Variants in DKC1 observed in about 807,000 individuals in gnomAD.
DKC1 encodes H/ACA ribonucleoprotein complex subunit DKC1.
A neutral mutation model predicts 46.7 loss-of-function variants in DKC1; 4 were observed. That is an observed-to-expected ratio of 0.09 (90% CI 0.04 to 0.20). The LOEUF (loss-of-function observed/expected upper bound fraction) is 0.20. Ranked by LOEUF, DKC1 falls within the 10% of genes least tolerant of loss-of-function variation. The probability of loss-of-function intolerance (pLI) is 1.00; values close to 1 mark genes in which losing one functional copy is unlikely to be tolerated. For missense variants in DKC1, 171 were observed against 404.2 expected, an observed-to-expected ratio of 0.42 and a Z score of 4.95; for synonymous variants, 141 against 142.4, an observed-to-expected ratio of 0.99 and a Z score of 0.07.
intron 3 of DKC1, 78 bp from the exon 4 acceptor site, chrX:154,765,829 C>T (rs1449513813): frequency 3.8e-6 from 3 of 782,803 alleles, no homozygotes; most frequent in East Asian, 6.3e-5. Context: ...GTTTGTGGGC[C>T]ACATAGTGGT....
chrX:154,775,834 G>C (rs1351974036), intron 13 of DKC1, among the ~76,000 whole-genome samples: 1 of 112,065 alleles, frequency 8.9e-6, no homozygotes, highest in Non-Finnish European at 1.9e-5. Context: ...TCCTGCACAG[G>C]CTGTGTGGGA....
intron 3 of DKC1, 24 bp from the exon 4 acceptor site, chrX:154,765,883 T>G (rs782655180): frequency 1.8e-6 from 2 of 1,130,842 alleles, no homozygotes. Flanking sequence ...GTATTTTGTT[T>G]TGTGTTGTGT....
At chrX:154,776,100 T>C in intron 13 of DKC1, 87 bp from the exon 14 acceptor site, 17 of 1,116,287 alleles carry the variant, frequency 1.5e-5, no homozygotes, top group Non-Finnish European at 2.1e-5. Context: ...GGATCTTTCT[T>C]GGTGCCTTGC....
rs782779174 is a variant in DKC1 at position 154,762,939 on chromosome X, G to A, written c.-27G>A. 8.5e-7 allele frequency: 1 copy of A among 1,178,505 alleles called. No individual in the cohort carries two copies. Among genetic ancestry groups the A allele is most frequent in the South Asian group, 1.9e-5 (1 of 53,423 alleles). On this transcript the variant is annotated 5_prime_UTR_variant, in exon 1 of 15. Coordinates refer to ENST00000369550, the MANE Select transcript of DKC1 (RefSeq NM_001363.5). ...CGGTCGTTCCCTCGGCTGTGGACCG[G>A]GCGGCACGCACGCGGTGCAGGGTAA...
intron 5 of DKC1, 21 bp downstream of exon 5, chrX:154,766,421 A>G: frequency 8.5e-7 from 1 of 1,180,335 alleles, no homozygotes; most frequent in Non-Finnish European, 1.2e-6. Context: ...GAGGGAGGGA[A>G]GGACTGGCTA....
At chrX:154,773,462 C>T (rs3926731) in intron 11 of DKC1, among the ~76,000 whole-genome samples, 2 of 109,291 alleles carry the variant, frequency 1.8e-5, no homozygotes, top group Non-Finnish European at 3.8e-5. Context: ...TCCGCAGTGT[C>T]TGTGTCCCTG....
At chrX:154,767,917 C>G in intron 7 of DKC1, 1 of 193,453 alleles carries the variant, frequency 5.2e-6, no homozygotes, top group Non-Finnish European at 8.9e-6. Flanking sequence ...GTGGCATGAT[C>G]TCGGCTCACT....
Position 154,777,349 on chromosome X carries a change from G to A in DKC1, c.*482G>A, listed in dbSNP as rs1333770339. On this transcript the variant is annotated 3_prime_UTR_variant, in exon 15 of 15. Transcript: ENST00000369550. ...GTATAACTGAGTTTTGTCCATGCTG[G>A]TGTCTGGGTTATAGGCCTGATGGGC... The A allele has an allele frequency of 1.4e-5, 2 of 141,734 alleles. No individual in the cohort carries two copies. Among genetic ancestry groups the A allele is most frequent in the African/African-American group, 3.2e-5 (1 of 31,301 alleles). The allele number at this position is 141,734 out of a possible 1,213,427, so 11.7% of individuals were successfully genotyped here.
intron 8 of DKC1, 85 bp from the exon 9 acceptor site, chrX:154,769,082 G>A (rs1419791336): frequency 8.7e-6 from 8 of 920,109 alleles, no homozygotes; most frequent in Non-Finnish European, 9.1e-6. Flanking sequence ...TAGTAAACAA[G>A]TGACATTCAG....
In DKC1 at chrX:154,770,886, G is replaced by A. The variant is rs781825663; in HGVS notation, c.1036+7G>A. ...GGAGAAGCAATCTGCATGGGTAAGAGGGGATGTTTATTTTTTAAATTCTAA... is the reference window on the plus strand; with the variant it reads ...GGAGAAGCAATCTGCATGGGTAAGAAGGGATGTTTATTTTTTAAATTCTAA... On this transcript the variant is annotated splice_region_variant and intron_variant, in intron 10 of 14. Transcript: ENST00000369550. The A allele has an allele frequency of 4.1e-6, 5 of 1,208,365 alleles. No homozygotes were observed. Among genetic ancestry groups the A allele is most frequent in the Non-Finnish European group, 4.5e-6 (4 of 893,815 alleles).
In DKC1 at chrX:154,770,830, C is replaced by A; in HGVS notation, c.987C>A (p.Val329=). 1 of 1,211,167 alleles carries A rather than the reference C, an allele frequency of 8.3e-7. No individual in the cohort carries two copies. Among genetic ancestry groups the A allele is most frequent in the Non-Finnish European group, 1.1e-6 (1 of 894,942 alleles). The stretch of plus-strand genomic sequence containing the variant: ...TTCGATATGAGGACGGCATTGAGGT[C>A]AATCAGGAGATTGTGGTTATCACCA... ...GVLRYEDGIE[V]NQEIVVITTK... The change falls in exon 10 of 15, where the codon GTC becomes GTA. Residue 329 remains valine, a synonymous_variant. Transcript: ENST00000369550.
At chrX:154,768,688 G>A (rs373053426) in intron 8 of DKC1, 6 of 444,286 alleles carry the variant, frequency 1.4e-5, no homozygotes, top group Admixed American at 5.9e-5. Context: ...ATACTTCAAC[G>A]GTTAAAGATG....
Position 154,767,355 on chromosome X carries a change from A to G in DKC1, c.613A>G (p.Ile205Val). 2 of 1,211,756 alleles carry G rather than the reference A, an allele frequency of 1.7e-6. No individual in the cohort carries two copies. Among genetic ancestry groups the G allele is most frequent in the Non-Finnish European group, 2.2e-6 (2 of 895,467 alleles). ...RVRTIYESKM[I>V]EYDPERRLGI... ...GAGGACCATCTACGAGAGCAAAATGATTGAATACGATCCTGAAAGAAGATT... is the reference window on the plus strand; with the variant it reads ...GAGGACCATCTACGAGAGCAAAATGGTTGAATACGATCCTGAAAGAAGATT... Residue 205 changes from isoleucine (I) to valine (V), a missense_variant, in exon 7 of 15, where the codon ATT becomes GTT. Physicochemically the swap from Ile to Val is conservative, Grantham distance 29. Around this residue, in one of 4 missense-constraint regions of DKC1, gnomAD observed 60 missense variants for 206.5 expected, o/e 0.29. Transcript: ENST00000369550.
chrX:154,764,238 TTATA>T (rs1197322547), intron 1 of DKC1, among the ~76,000 whole-genome samples: 1 of 107,606 alleles, frequency 9.3e-6, no homozygotes, highest in African/African-American at 3.4e-5. Flanking sequence ...TGTATGTATA[TTATA>T]TATATATAGT....
chrX:154,773,100 A>G (rs1387703244), intron 10 of DKC1, 31 bp from the exon 11 acceptor site: 9 of 1,011,886 alleles, frequency 8.9e-6, no homozygotes, highest in Non-Finnish European at 1.3e-5. Context: ...TCACCCTTCA[A>G]ATAATTCTTT....
At chrX:154,775,093 AT>A in intron 12 of DKC1, 101 bp from the exon 13 acceptor site, 1 of 806,130 alleles carries the variant, frequency 1.2e-6, no homozygotes, top group Non-Finnish European at 1.9e-6. Flanking sequence ...CAGCGTCAGT[AT>A]TTTGATGGTG....
At position 154,768,311 on chromosome X, in the gene DKC1, G is replaced by C; in HGVS notation, c.650G>C (p.Trp217Ser). ...TGTGTGTGTATCTTAGGAATCTTTT[G>C]GGTGAGTTGTGAGGCTGGCACCTAC... ...YDPERRLGIF[W>S]VSCEAGTYIR... Residue 217 changes from tryptophan (W) to serine (S), a missense_variant, in exon 8 of 15, where the codon TGG becomes TCG. This residue lies in a region of DKC1 where 60 missense variants were observed against 206.5 expected (regional missense o/e 0.29). Coordinates refer to ENST00000369550, the MANE Select transcript of DKC1 (RefSeq NM_001363.5). 2 of 1,211,548 alleles carry C rather than the reference G, an allele frequency of 1.7e-6. No individual in the cohort carries two copies. The highest frequency in any genetic ancestry group is 3.5e-5 in the South Asian group (2 of 56,957).
At chrX:154,764,152 G>A (rs1557263900) in intron 1 of DKC1, among the ~76,000 whole-genome samples, 1 of 103,196 alleles carries the variant, frequency 9.7e-6, no homozygotes, top group Non-Finnish European at 2.0e-5. Flanking sequence ...GAGTGTGACC[G>A]TCTCAAAAAA....
chrX:154,771,187 GTTTT>G (rs35962335), intron 10 of DKC1, among the ~76,000 whole-genome samples: 1 of 64,487 alleles, frequency 1.6e-5, no homozygotes, highest in African/African-American at 6.4e-5. Context: ...TGGTGGTGGT[GTTTT>G]TTTTTTTTTT....
Sources: allele counts gnomAD v4.1 joint callset (sites outside exome capture counted in the v4.1 genomes callset), GRCh38; gene constraint gnomAD v4.1.1; regional missense constraint gnomAD v4.1.1; transcripts MANE v1.5; gene names NCBI Gene and HGNC (gene_info 2026-07-23, HGNC 2026-07-21).